The following SOX5 variants were observed in gnomAD, a reference collection of about 807,000 sequenced individuals.
SOX5 encodes SRY-box transcription factor 5.
In SOX5, 9 loss-of-function variants were observed where a neutral mutation model predicts 92.0. The ratio of observed to expected loss-of-function variants is 0.10; its 90% CI spans 0.06 to 0.17. The LOEUF (loss-of-function observed/expected upper bound fraction) is 0.17. Ranked by LOEUF, SOX5 falls within the 10% of genes least tolerant of loss-of-function variation. The pLI is 1.00. For missense variants in SOX5, 642 were observed against 944.5 expected (o/e 0.68, Z 4.20); for synonymous variants, 344 against 336.3 (o/e 1.02, Z -0.25).
chr12:23,651,763 G>T (rs1414526442), intron 7 of SOX5, among the ~76,000 whole-genome samples: 3 of 151,892 alleles, frequency 2.0e-5, no homozygotes, highest in Non-Finnish European at 2.9e-5. Flanking sequence ...GAGCTGAAAT[G>T]CCTGGCATAG....
chr12:23,810,928 A>C (rs1278279087), intron 3 of SOX5, among the ~76,000 whole-genome samples: 1 of 151,962 alleles, frequency 6.6e-6, no homozygotes, highest in Non-Finnish European at 1.5e-5. Context: ...CTCTCTTCTT[A>C]TCTTTAGTTC....
intron 1 of SOX5, among the ~76,000 whole-genome samples, chr12:24,553,282 T>G (rs1211443979): frequency 6.6e-6 from 1 of 152,140 alleles, no homozygotes; most frequent in East Asian, 1.9e-4. Context: ...GATGGGCAAG[T>G]CACTTGACCA....
At chr12:24,104,953 A>G (rs1946509258) in intron 4 of SOX5, among the ~76,000 whole-genome samples, 1 of 152,224 alleles carries the variant, frequency 6.6e-6, no homozygotes, top group African/African-American at 2.4e-5. Context: ...ATTATTTTGA[A>G]TTATTCAGAT....
chr12:24,192,989 G>T (rs940549567), intron 4 of SOX5, among the ~76,000 whole-genome samples: 40 of 152,232 alleles, frequency 2.6e-4, no homozygotes, highest in African/African-American at 9.6e-4. Flanking sequence ...TAAATGTATG[G>T]AACACAAATT....
At position 23,557,962 on chromosome 12, in the gene SOX5, C is replaced by G. The variant is rs191225510; in HGVS notation, c.1488+5296G>C. 1.2e-4 allele frequency among the ~76,000 whole-genome samples: 15 copies of G among 124,328 alleles called. No homozygotes were observed. In the Admixed American group the frequency reaches 1.4e-3, roughly 12 times the overall value. The allele number at this position is 124,328 out of a possible 152,430, so 81.6% of individuals were successfully genotyped here. On this transcript the variant is annotated intron_variant, in intron 11 of 14. Coordinates refer to ENST00000451604, the MANE Select transcript of SOX5 (RefSeq NM_006940.6). ...TTGCACTCCAGCCTGGGTGACAGAG[C>G]GAGACTCCGCCTCAAAAAAAAAAAA...
chr12:24,256,094 T>C (rs1365625982), intron 3 of SOX5, among the ~76,000 whole-genome samples: 1 of 152,222 alleles, frequency 6.6e-6, no homozygotes, highest in African/African-American at 2.4e-5. Context: ...CCTTCCCCAA[T>C]GACTGAGCTG....
intron 2 of SOX5, among the ~76,000 whole-genome samples, chr12:24,314,098 T>G (rs1037622469): frequency 3.3e-5 from 5 of 152,178 alleles, no homozygotes; most frequent in Non-Finnish European, 2.9e-5. Context: ...TAATCCACCA[T>G]GATCTCGTCT....
chr12:23,772,886 G>A (rs1235356442), intron 3 of SOX5, among the ~76,000 whole-genome samples: 3 of 152,074 alleles, frequency 2.0e-5, no homozygotes, highest in Non-Finnish European at 2.9e-5. Context: ...CCAAGTAATC[G>A]AATCTCAAGC....
intron 7 of SOX5, among the ~76,000 whole-genome samples, chr12:23,647,421 C>A (rs2081012497): frequency 6.6e-6 from 1 of 152,168 alleles, no homozygotes; most frequent in South Asian, 2.1e-4. Flanking sequence ...AGTAAATGAG[C>A]TTTGGCTTCA....
At chr12:24,188,108 G>A (rs1956190102) in intron 4 of SOX5, among the ~76,000 whole-genome samples, 1 of 152,126 alleles carries the variant, frequency 6.6e-6, no homozygotes, top group African/African-American at 2.4e-5. Flanking sequence ...TTATAGTTAT[G>A]ATCAAAAGCT....
intron 8 of SOX5, among the ~76,000 whole-genome samples, chr12:23,634,787 T>C (rs754405209): frequency 2.0e-5 from 3 of 152,208 alleles, no homozygotes; most frequent in Non-Finnish European, 4.4e-5. Context: ...AATTCTGCTA[T>C]TGTCTCGTTT....
At chr12:24,464,427 G>A (rs1054944536) in intron 1 of SOX5, among the ~76,000 whole-genome samples, 5 of 151,358 alleles carry the variant, frequency 3.3e-5, no homozygotes, top group Non-Finnish European at 5.9e-5. Flanking sequence ...GGTTCACGCC[G>A]CCTCCCGGGT....
intron 2 of SOX5, among the ~76,000 whole-genome samples, chr12:23,889,364 G>T (rs1403261253): frequency 6.6e-6 from 1 of 152,086 alleles, no homozygotes; most frequent in Non-Finnish European, 1.5e-5. Context: ...AGTAACACAT[G>T]CATTTTTCTC....
intron 2 of SOX5, among the ~76,000 whole-genome samples, chr12:24,294,347 C>G (rs1398698844): frequency 6.6e-6 from 1 of 152,008 alleles, no homozygotes; most frequent in Non-Finnish European, 1.5e-5. Context: ...AGAGCTATTC[C>G]TTTATTTCTC....
intron 8 of SOX5, among the ~76,000 whole-genome samples, chr12:23,626,558 A>AT (rs1340482648): frequency 6.7e-6 from 1 of 150,328 alleles, no homozygotes; most frequent in Non-Finnish European, 1.5e-5. Context: ...TTCTTCTCCC[A>AT]TTTTTTCCTT....
intron 2 of SOX5, among the ~76,000 whole-genome samples, chr12:24,319,812 G>C (rs1343093112): frequency 6.6e-6 from 1 of 152,234 alleles, no homozygotes; most frequent in Non-Finnish European, 1.5e-5. Context: ...TCAAATTAAT[G>C]ATGTGACATG....
At chr12:24,117,514 C>T (rs1034025108) in intron 4 of SOX5, among the ~76,000 whole-genome samples, 12 of 152,246 alleles carry the variant, frequency 7.9e-5, no homozygotes, top group Non-Finnish European at 1.5e-4. Context: ...AATGTCTGCC[C>T]TCCCATGTGC....
intron 2 of SOX5, among the ~76,000 whole-genome samples, chr12:23,848,682 T>C (rs1236637357): frequency 2.0e-5 from 3 of 152,192 alleles, no homozygotes; most frequent in Admixed American, 6.6e-5. Flanking sequence ...AATGATTCCA[T>C]GTGTCACTTC....
chr12:24,016,652 G>A (rs927162737), intron 4 of SOX5, among the ~76,000 whole-genome samples: 1 of 152,340 alleles, frequency 6.6e-6, no homozygotes, highest in South Asian at 2.1e-4. Context: ...AAAAAAATGG[G>A]AGACCATCTG....
Sources: gnomAD v4.1 joint callset for allele counts (sites outside exome capture counted in the v4.1 genomes callset) on GRCh38, gnomAD v4.1.1 for gene constraint, MANE v1.5 for transcripts, NCBI Gene and HGNC (gene_info 2026-07-23, HGNC 2026-07-21) for gene names.